The following KCP variants were observed in gnomAD, a reference collection of about 807,000 sequenced individuals.
KCP encodes the protein kielin/chordin-like protein.
Under a neutral mutation model 212.7 loss-of-function variants are expected in KCP, and 194 were observed. The observed-to-expected ratio is 0.91, with a 90% CI of 0.81 to 1.03. The LOEUF is 1.03. KCP is among the 50% of genes least tolerant of loss of function. The pLI is 0.00. For missense variants in KCP, 2,080 were observed against 2,162.5 expected (o/e 0.96, Z 0.76); for synonymous variants, 833 against 865.3 (o/e 0.96, Z 0.65).
At chr7:128,882,830 C>T (rs545549754) in intron 29 of KCP, among the ~76,000 whole-genome samples, 93 of 152,248 alleles carry the variant, frequency 6.1e-4, no homozygotes, top group Non-Finnish European at 8.7e-4. Flanking sequence ...CCAGCTCTTT[C>T]GGAGGCTGAG....
At chr7:128,903,494 T>C in intron 7 of KCP, 1 of 571,034 alleles carries the variant, frequency 1.8e-6, no homozygotes, top group Non-Finnish European at 3.1e-6. Flanking sequence ...AAAGCAAACA[T>C]TTATTAAGCT....
chr7:128,892,837 G>A (rs1279263208), intron 14 of KCP, 32 bp downstream of exon 14: 1 of 1,551,338 alleles, frequency 6.4e-7, no homozygotes, highest in East Asian at 2.4e-5. Flanking sequence ...GTAATGCAGG[G>A]GAAGAAAGCC....
At chr7:128,890,297 G>A in intron 21 of KCP, 46 bp downstream of exon 21, 1 of 1,551,356 alleles carries the variant, frequency 6.4e-7, no homozygotes, top group Non-Finnish European at 8.7e-7. Context: ...CAGCCCTCTG[G>A]TCTCCCGCAT....
Position 128,907,468 on chromosome 7 carries a change from T to C in KCP, c.220-15A>G, listed in dbSNP as rs1322621359. On this transcript the variant is annotated splice_polypyrimidine_tract_variant and intron_variant, in intron 2 of 39. Transcript: ENST00000610776. ...AGGTCCTTATTCTGGAGGAAGGAGA[T>C]GGAATAGCAGGCACTGGCTCAGCTT... The C allele has an allele frequency of 1.4e-6, 2 of 1,453,532 alleles. No homozygotes were observed. Among genetic ancestry groups the C allele is most frequent in the Non-Finnish European group, 9.1e-7 (1 of 1,093,974 alleles). The allele number at this position is 1,453,532 out of a possible 1,614,324, so 90.0% of individuals were successfully genotyped here. A position where few individuals can be genotyped will look rare whatever the true frequency, so the allele number is the denominator to read the frequency against.
chr7:128,876,888 G>A lies in KCP; in HGVS notation c.*155C>T. On this transcript the variant is annotated 3_prime_UTR_variant, in exon 40 of 40. Transcript: ENST00000610776. ...CCTTCGGGCAGGCCTAGAGTTTACT[G>A]CTGGTGACTCAACATGGCGGGGGTC... 6.1e-6 allele frequency: 5 copies of A among 826,438 alleles called. No individual in the cohort carries two copies. In the South Asian group the frequency reaches 1.0e-4, roughly 17 times the overall value. The allele number at this position is 826,438 out of a possible 1,614,324, so 51.2% of individuals were successfully genotyped here. A position where few individuals can be genotyped will look rare whatever the true frequency, so the allele number is the denominator to read the frequency against.
chr7:128,880,911 C>T (rs1563020462), intron 32 of KCP, 86 bp downstream of exon 32: 2 of 399,094 alleles, frequency 5.0e-6, no homozygotes, highest in Admixed American at 4.4e-5. Context: ...CCCTTAAAGA[C>T]CCCATATCTG....
intron 5 of KCP, 88 bp from the exon 6 acceptor site, chr7:128,904,226 A>G (rs1795008033): frequency 6.6e-7 from 1 of 1,526,104 alleles, no homozygotes; most frequent in Non-Finnish European, 8.9e-7. Context: ...CCAAGTAGGT[A>G]CTGGACCCTT....
chr7:128,887,685 A>G (rs1018743634), intron 22 of KCP, among the ~76,000 whole-genome samples: 7 of 149,306 alleles, frequency 4.7e-5, no homozygotes, highest in African/African-American at 1.7e-4. Flanking sequence ...ACACACACAT[A>G]CACACATATA....
intron 13 of KCP, 37 bp from the exon 14 acceptor site, chr7:128,893,058 C>T: frequency 1.1e-6 from 1 of 871,836 alleles, no homozygotes. Flanking sequence ...AGCCTACACA[C>T]CTCCCACCCA....
intron 8 of KCP, among the ~76,000 whole-genome samples, chr7:128,901,071 C>A (rs894048318): frequency 1.3e-5 from 2 of 152,160 alleles, no homozygotes; most frequent in African/African-American, 4.8e-5. Context: ...AAGAAGCCAG[C>A]TAAATGCCAC....
At chr7:128,902,577 C>T (rs1168386020) in intron 8 of KCP, among the ~76,000 whole-genome samples, 200 bp downstream of exon 8, 2 of 152,204 alleles carry the variant, frequency 1.3e-5, no homozygotes, top group African/African-American at 2.4e-5. Flanking sequence ...CCGGGCTGAG[C>T]ACCTCTTGGG....
Position 128,893,261 on chromosome 7 carries a change from G to C in KCP, c.1244C>G (p.Ala415Gly). The C allele has an allele frequency of 6.4e-7, 1 of 1,551,404 alleles. No individual in the cohort carries two copies. The highest frequency in any genetic ancestry group is 1.4e-5 in the African/African-American group (1 of 73,152). The change falls in exon 13 of 40, where the codon GCC becomes GGC. Residue 415 changes from alanine (A) to glycine (G), a missense_variant. By Grantham distance (60) the Ala-to-Gly change is moderately conservative. Coordinates refer to ENST00000610776, the MANE Select transcript of KCP (RefSeq NM_001366122.1). ...ACCTGGGCAGAGCTGGCGGCCAGAG[G>C]CAGGCAGGGCACAGGGGGTGACTGG... ...ECPVTPCALPASGRQLCPACE... is the reference protein window; with the variant it reads ...ECPVTPCALPGSGRQLCPACE...
At chr7:128,895,832 AT>A (rs1383725238) in intron 8 of KCP, among the ~76,000 whole-genome samples, 1 of 152,246 alleles carries the variant, frequency 6.6e-6, no homozygotes, top group African/African-American at 2.4e-5. Flanking sequence ...AGGGGGCATC[AT>A]GAATAATCCA....
At chr7:128,880,120 C>T in intron 34 of KCP, 35 bp from the exon 35 acceptor site, 1 of 1,488,452 alleles carries the variant, frequency 6.7e-7, no homozygotes, top group East Asian at 2.5e-5. Context: ...AGACACACCG[C>T]CCTCCCCGCC....
intron 21 of KCP, 122 bp from the exon 22 acceptor site, chr7:128,889,161 T>TG (rs1229987514): frequency 1.9e-5 from 6 of 317,588 alleles, no homozygotes; most frequent in Non-Finnish European, 2.1e-5. Flanking sequence ...GCGTGGGGGC[T>TG]GGGGGGTCAC....
At chr7:128,889,222 G>A (rs1056911035) in intron 21 of KCP, among the ~76,000 whole-genome samples, 183 bp from the exon 22 acceptor site, 2 of 152,002 alleles carry the variant, frequency 1.3e-5, no homozygotes, top group South Asian at 2.1e-4. Flanking sequence ...GGTTTGGATT[G>A]GCCAAAAGGC....
chr7:128,885,259 G>T lies in KCP; in HGVS notation c.2878C>A (p.His960Asn). ...CTGCCTTCGGGGTGCTCTTCCCCATGAGCCAGGCAGCCTGTGGTGCAAAGT... is the reference window on the plus strand; with the variant it reads ...CTGCCTTCGGGGTGCTCTTCCCCATTAGCCAGGCAGCCTGTGGTGCAAAGT... The part of the protein sequence containing the change: ...CCPRCRGCLA[H>N]GEEHPEGSRW... Residue 960 changes from histidine to asparagine, a missense_variant, in exon 27 of 40, where the codon CAT becomes AAT. Coordinates refer to ENST00000610776, the MANE Select transcript of KCP (RefSeq NM_001366122.1). 1.3e-6 allele frequency: 2 copies of T among 1,544,308 alleles called. No homozygotes were observed. The highest frequency in any genetic ancestry group is 1.8e-6 in the Non-Finnish European group (2 of 1,141,912).
intron 29 of KCP, among the ~76,000 whole-genome samples, chr7:128,882,343 A>T (rs182013853): frequency 2.0e-4 from 30 of 152,290 alleles, no homozygotes; most frequent in Admixed American, 1.7e-3. Context: ...TATCTGTAAT[A>T]CAGTGTGGCT....
Position 128,884,773 on chromosome 7 carries a change from T to C in KCP, c.3123+8A>G, listed in dbSNP as rs1793541343. 6.4e-7 allele frequency: 1 copy of C among 1,550,776 alleles called. No individual in the cohort carries two copies. Among genetic ancestry groups the C allele is most frequent in the Non-Finnish European group, 8.7e-7 (1 of 1,146,862 alleles). On this transcript the variant is annotated splice_region_variant and intron_variant, in intron 28 of 39. Coordinates refer to ENST00000610776, the MANE Select transcript of KCP (RefSeq NM_001366122.1). ...GTGCCCCAGCCCCACCACTGTGCCC[T>C]CACCTACCTCGCAGATGCACACTTC... is the stretch of plus-strand genomic sequence containing the variant.
Sources: allele counts gnomAD v4.1 joint callset (sites outside exome capture counted in the v4.1 genomes callset), GRCh38; gene constraint gnomAD v4.1.1; transcripts MANE v1.5; gene names NCBI Gene and HGNC (gene_info 2026-07-23, HGNC 2026-07-21).